Variants in CHL1 observed in about 807,000 individuals in gnomAD.
The protein encoded by CHL1 is neural cell adhesion molecule L1-like protein.
In CHL1, 96 loss-of-function variants were observed where a neutral mutation model predicts 141.9. The ratio of observed to expected loss-of-function variants is 0.68; its 90% CI spans 0.57 to 0.80. The LOEUF is 0.80. Among genes scored for constraint, CHL1 ranks in the 30% least tolerant of loss-of-function variants. The pLI is 0.00. For missense variants in CHL1, 1,820 were observed against 1,457.2 expected, an observed-to-expected ratio of 1.25 and a Z score of -4.05; for synonymous variants, 613 against 502.2, an observed-to-expected ratio of 1.22 and a Z score of -2.95.
At chr3:281,563 T>C (rs1210433920) in intron 2 of CHL1, among the ~76,000 whole-genome samples, 1 of 118,192 alleles carries the variant, frequency 8.5e-6, no homozygotes, top group Non-Finnish European at 1.8e-5. Context: ...TTGTACCTTT[T>C]TTTTTTTTTT....
At chr3:372,199 G>A (rs1705726863) in intron 15 of CHL1, among the ~76,000 whole-genome samples, 1 of 152,166 alleles carries the variant, frequency 6.6e-6, no homozygotes, top group Non-Finnish European at 1.5e-5. Context: ...CCGGAAGTGT[G>A]TTTTTCAGCT....
At position 259,332 on chromosome 3, in the gene CHL1, G is replaced by GTGTGTGTT. The variant is rs149448289; in HGVS notation, c.-95+14646_-95+14647insTTTGTGTG. 3.1e-4 allele frequency among the ~76,000 whole-genome samples: 47 copies of GTGTGTGTT among 151,920 alleles called. 1 individual carries two copies. Among genetic ancestry groups the GTGTGTGTT allele is most frequent in the African/African-American group, 1.1e-3 (45 of 41,298 alleles). On this transcript the variant is annotated intron_variant, in intron 2 of 27. Transcript: ENST00000256509. Reference sequence around the variant, plus strand: ...TGTGTGTGTGTGCATGCGTGTGTGTGTGTGTGATATAGTGGGGGTGGGGCA... The same window carrying GTGTGTGTT: ...TGTGTGTGTGTGCATGCGTGTGTGTGTGTGTGTTTGTGTGATATAGTGGGGGTGGGGCA...
intron 1 of CHL1, among the ~76,000 whole-genome samples, chr3:214,420 T>C (rs1418452805): frequency 1.3e-5 from 2 of 152,220 alleles, no homozygotes; most frequent in Non-Finnish European, 2.9e-5. Context: ...TTAACTCTTG[T>C]ATTCATGTAA....
intron 1 of CHL1, among the ~76,000 whole-genome samples, chr3:204,325 C>G (rs1212618544): frequency 6.6e-6 from 1 of 152,222 alleles, no homozygotes; most frequent in African/African-American, 2.4e-5. Context: ...AGCGGAGATA[C>G]ACTCAAATGT....
chr3:373,813 T>G (rs544272001), intron 15 of CHL1: 1 of 152,498 alleles, frequency 6.6e-6, no homozygotes, highest in South Asian at 2.1e-4. Flanking sequence ...GCACATTCAC[T>G]CACCGCCTCC....
At chr3:284,669 A>T (rs184441801) in intron 2 of CHL1, among the ~76,000 whole-genome samples, 2 of 152,212 alleles carry the variant, frequency 1.3e-5, no homozygotes, top group African/African-American at 4.8e-5. Context: ...TCTTCATGAC[A>T]TTATATGTTG....
At chr3:304,082 G>C (rs993237461) in intron 2 of CHL1, among the ~76,000 whole-genome samples, 1 of 151,524 alleles carries the variant, frequency 6.6e-6, no homozygotes, top group Non-Finnish European at 1.5e-5. Context: ...AGCCAACTTC[G>C]TACCTGGTGG....
At chr3:229,341 C>G (rs1002179600) in intron 1 of CHL1, among the ~76,000 whole-genome samples, 1 of 152,148 alleles carries the variant, frequency 6.6e-6, no homozygotes, top group African/African-American at 2.4e-5. Flanking sequence ...ACAGAAGGTT[C>G]TCTGACCAGC....
At chr3:221,416 T>C (rs1700828258) in intron 1 of CHL1, among the ~76,000 whole-genome samples, 2 of 152,246 alleles carry the variant, frequency 1.3e-5, no homozygotes, top group Non-Finnish European at 2.9e-5. Context: ...TATCAACTTT[T>C]GTTTCAGCTC....
chr3:401,675 A>G lies in CHL1; in HGVS notation c.3435A>G (p.Lys1145=), dbSNP rs1339903936. 1 of 1,593,210 alleles carries G rather than the reference A, an allele frequency of 6.3e-7. No homozygotes were observed. Among genetic ancestry groups the G allele is most frequent in the East Asian group, 2.2e-5 (1 of 44,612 alleles). ...CAGACCCAGAAATTCAGTCAGTAAA[A>G]GATGAAACCTTTGGTGAATACAGGT... is the stretch of plus-strand genomic sequence containing the variant. ...LHPDPEIQSV[K]DETFGEYSDS... The change falls in exon 27 of 28, where the codon AAA becomes AAG. Residue 1145 remains lysine (K), a synonymous_variant. Coordinates refer to ENST00000256509, the MANE Select transcript of CHL1 (RefSeq NM_006614.4).
chr3:335,989 T>C (rs949795494), intron 5 of CHL1, among the ~76,000 whole-genome samples: 1 of 152,232 alleles, frequency 6.6e-6, no homozygotes, highest in African/African-American at 2.4e-5. Context: ...TCATGTGAAA[T>C]ATTTAAATTT....
intron 1 of CHL1, among the ~76,000 whole-genome samples, chr3:237,968 A>G (rs1184757885): frequency 6.6e-6 from 1 of 152,328 alleles, no homozygotes. Flanking sequence ...GGTTTTGCTG[A>G]TAAATAATTC....
At position 340,934 on chromosome 3, in the gene CHL1, C is replaced by T; in HGVS notation, c.508+18C>T. The T allele has an allele frequency of 1.9e-6, 3 of 1,600,226 alleles. No homozygotes were observed. The highest frequency in any genetic ancestry group is 1.1e-5 in the South Asian group (1 of 87,458). ...GAATATTGGTAAGTAATGCTCCGTT[C>T]CATCAAAAAAGGGGGACATTTTAAT... On this transcript the variant is annotated intron_variant, in intron 6 of 27. Coordinates refer to ENST00000256509, the MANE Select transcript of CHL1 (RefSeq NM_006614.4).
chr3:214,242 T>A (rs956629055), intron 1 of CHL1, among the ~76,000 whole-genome samples: 2 of 152,204 alleles, frequency 1.3e-5, no homozygotes, highest in Admixed American at 1.3e-4. Context: ...CTTCTCTACG[T>A]TTCAGAGTAC....
At chr3:232,365 T>C (rs1349088981) in intron 1 of CHL1, among the ~76,000 whole-genome samples, 1 of 152,214 alleles carries the variant, frequency 6.6e-6, no homozygotes, top group East Asian at 1.9e-4. Context: ...ATTTGTACCT[T>C]TTCTACCTTG....
At position 244,665 on chromosome 3, in the gene CHL1, G is replaced by C. The variant is rs75876836; in HGVS notation, c.-122G>C. On this transcript the variant is annotated 5_prime_UTR_variant, in exon 2 of 28. Coordinates refer to ENST00000256509, the MANE Select transcript of CHL1 (RefSeq NM_006614.4). ...GTCTTAATACTGCAAACAAATCATA[G>C]TGGAACTAAGGGGAACTTAATTTAC... 284 of 152,252 alleles carry C rather than the reference G, an allele frequency of 1.9e-3. 1 individual carries two copies. Among genetic ancestry groups the C allele is most frequent in the African/African-American group, 6.5e-3 (268 of 41,544 alleles). 9.4% of individuals were successfully genotyped at this position (152,252 alleles called of 1,614,324 possible).
At position 389,378 on chromosome 3, in the gene CHL1, G is replaced by A; in HGVS notation, c.2374G>A (p.Ala792Thr). 6.2e-7 allele frequency: 1 copy of A among 1,614,196 alleles called. No individual in the cohort carries two copies. ...CCACACATTGCGGGTGATGACGCCT[G>A]CTGTCTATGCCCCTTATGATGTCAA... ...TNHTLRVMTP[A>T]VYAPYDVKVQ... is the part of the protein sequence containing the mutation. The change falls in exon 20 of 28, where the codon GCT (alanine) becomes ACT (threonine). Residue 792 changes from alanine (A) to threonine (T), a missense_variant. Physicochemically the swap from Ala to Thr is moderately conservative, Grantham distance 58. Coordinates refer to ENST00000256509, the MANE Select transcript of CHL1 (RefSeq NM_006614.4).
At chr3:322,654 A>G (rs1559252810) in intron 3 of CHL1, among the ~76,000 whole-genome samples, 1 of 104,686 alleles carries the variant, frequency 9.6e-6, no homozygotes, top group Non-Finnish European at 1.8e-5. Flanking sequence ...AAATATATAT[A>G]TATATATATA....
In CHL1 at chr3:328,274, A is replaced by T. The variant is rs1440567668; in HGVS notation, c.305A>T (p.His102Leu). 6.2e-7 allele frequency: 1 copy of T among 1,612,106 alleles called. No homozygotes were observed. Among genetic ancestry groups the T allele is most frequent in the Non-Finnish European group, 8.5e-7 (1 of 1,178,548 alleles). ...FRIPNEGHIS[H>L]FQGKYRCFAS... ...ATCCCAAACGAGGGGCACATATCTC[A>T]CTTTCAAGGGAAATACCGCTGCTTT... Residue 102 changes from histidine (H) to leucine (L), a missense_variant, in exon 5 of 28, where the codon CAC becomes CTC. Physicochemically the swap from His to Leu is moderately conservative, Grantham distance 99 (BLOSUM62 -3). Coordinates refer to ENST00000256509, the MANE Select transcript of CHL1 (RefSeq NM_006614.4).
Sources: allele counts gnomAD v4.1 joint callset (sites outside exome capture counted in the v4.1 genomes callset), GRCh38; gene constraint gnomAD v4.1.1; transcripts MANE v1.5; gene names NCBI Gene and HGNC (gene_info 2026-07-23, HGNC 2026-07-21).